ISM1: variants seen among roughly 807,000 people sequenced by gnomAD.
ISM1 encodes the protein isthmin 1.
Under a neutral mutation model 46.3 loss-of-function variants are expected in ISM1, and 25 were observed. That is an observed-to-expected ratio of 0.54 (90% CI 0.39 to 0.75). ISM1 has a LOEUF of 0.75. Ranked by LOEUF, ISM1 falls within the 30% of genes least tolerant of loss-of-function variation. ISM1 has a pLI of 0.00. For missense variants in ISM1, 536 were observed against 625.4 expected (o/e 0.86, Z 1.52); for synonymous variants, 255 against 256.7 (o/e 0.99, Z 0.06).
At chr20:13,255,561 G>A (rs1200015905) in intron 1 of ISM1, among the ~76,000 whole-genome samples, 3 of 152,206 alleles carry the variant, frequency 2.0e-5, no homozygotes, top group African/African-American at 7.2e-5. Flanking sequence ...GGTTTTAAAG[G>A]ATGCATAGGA....
Position 13,279,764 on chromosome 20 carries a change from G to A in ISM1, c.509G>A (p.Arg170Lys). 5.6e-6 allele frequency: 9 copies of A among 1,614,024 alleles called. No individual in the cohort carries two copies. The highest frequency in any genetic ancestry group is 7.6e-6 in the Non-Finnish European group (9 of 1,179,902). The change falls in exon 3 of 6, where the codon AGG becomes AAG. Residue 170 changes from arginine (R) to lysine (K), a missense_variant. Arg to Lys is a conservative substitution (Grantham distance 26). Around this residue, in one of 2 missense-constraint regions of ISM1, gnomAD observed 367 missense variants for 376.1 expected, o/e 0.98. Coordinates refer to ENST00000262487, the MANE Select transcript of ISM1 (RefSeq NM_080826.2). The stretch of plus-strand genomic sequence containing the variant: ...TGGCAGAGGTCCCTGTCCTTGGCCA[G>A]GGCAAACAGCGGGGACCAGGACTAC... ...AWWQRSLSLA[R>K]ANSGDQDYKY...
At position 13,221,608 on chromosome 20, in the gene ISM1, C is replaced by A. The variant is rs1199957413; in HGVS notation, c.-169C>A. On this transcript the variant is annotated 5_prime_UTR_variant, in exon 1 of 6. Transcript: ENST00000262487. ...GCTCCTGCTCCCCCGGCCCCGCACA[C>A]CCCGCCGCGCCCAGCGCCAGCCCCG... Among the ~76,000 whole-genome samples, 1 of 146,966 alleles carries A rather than the reference C, an allele frequency of 6.8e-6. No individual in the cohort carries two copies. Among genetic ancestry groups the A allele is most frequent in the African/African-American group, 2.4e-5 (1 of 40,852 alleles).
intron 1 of ISM1, among the ~76,000 whole-genome samples, chr20:13,259,107 AC>A (rs1216774945): frequency 6.6e-6 from 1 of 151,776 alleles, no homozygotes; most frequent in Non-Finnish European, 1.5e-5. Context: ...ACATGGTGAA[AC>A]CCCGTCTCTA....
At chr20:13,321,243 G>A in the ISM1 span, among the ~76,000 whole-genome samples, 1 of 73,860 alleles carries the variant, frequency 1.4e-5, no homozygotes, top group African/African-American at 6.8e-5. Flanking sequence ...GAATAGTCAT[G>A]TGCCCCACAT....
At chr20:13,303,105 C>T (rs1480230976), downstream of ISM1, among the ~76,000 whole-genome samples, 1 of 152,156 alleles carries the variant, frequency 6.6e-6, no homozygotes, top group Middle Eastern at 3.2e-3. Flanking sequence ...GGAAAAGAAG[C>T]CCAACAAGGT....
chr20:13,324,822 G>A, the ISM1 span, among the ~76,000 whole-genome samples: 2 of 152,292 alleles, frequency 1.3e-5, no homozygotes, highest in African/African-American at 2.4e-5. Flanking sequence ...CTGGAAGCAC[G>A]CTTAGAAATA....
chr20:13,241,943 G>A (rs1373030909), intron 1 of ISM1, among the ~76,000 whole-genome samples: 1 of 152,062 alleles, frequency 6.6e-6, no homozygotes, highest in Non-Finnish European at 1.5e-5. Context: ...GCAGAGTTGA[G>A]GGCCGTTGCA....
At chr20:13,225,893 G>T (rs1034087452) in intron 1 of ISM1, among the ~76,000 whole-genome samples, 4 of 152,076 alleles carry the variant, frequency 2.6e-5, no homozygotes, top group African/African-American at 9.7e-5. Flanking sequence ...TATAGATATA[G>T]ATATATAATA....
At chr20:13,248,794 G>T (rs532332224) in intron 1 of ISM1, among the ~76,000 whole-genome samples, 2 of 152,342 alleles carry the variant, frequency 1.3e-5, no homozygotes, top group East Asian at 3.9e-4. Flanking sequence ...CCTGCCATTT[G>T]GGGGTGAGCG....
intron 1 of ISM1, among the ~76,000 whole-genome samples, chr20:13,266,260 A>G (rs2040041911): frequency 6.6e-6 from 1 of 152,248 alleles, no homozygotes; most frequent in Non-Finnish European, 1.5e-5. Flanking sequence ...CAGTACTGCC[A>G]TGTAAGGCAA....
chr20:13,263,686 G>A (rs1310256637), intron 1 of ISM1, among the ~76,000 whole-genome samples: 1 of 152,214 alleles, frequency 6.6e-6, no homozygotes, highest in East Asian at 1.9e-4. Context: ...GAAGAAAATG[G>A]AGTGTTTGAA....
chr20:13,304,784 G>T (rs1010504983), downstream of ISM1, among the ~76,000 whole-genome samples: 35 of 152,104 alleles, frequency 2.3e-4, no homozygotes, highest in Admixed American at 2.2e-3. Context: ...ACCAGTCCAC[G>T]AGCTCCCAGT....
chr20:13,303,757 C>A (rs879885034), downstream of ISM1, among the ~76,000 whole-genome samples: 4 of 152,150 alleles, frequency 2.6e-5, no homozygotes, highest in Admixed American at 2.0e-4. Flanking sequence ...AGGGATACAG[C>A]GGTGTACAAA....
intron 1 of ISM1, among the ~76,000 whole-genome samples, chr20:13,237,515 A>G (rs2039665507): frequency 6.6e-6 from 1 of 152,178 alleles, no homozygotes; most frequent in African/African-American, 2.4e-5. Flanking sequence ...AACCAGGAAA[A>G]AGGAACCTGT....
intron 1 of ISM1, among the ~76,000 whole-genome samples, chr20:13,233,801 A>C (rs1166189191): frequency 6.6e-6 from 1 of 152,158 alleles, no homozygotes; most frequent in Non-Finnish European, 1.5e-5. Context: ...AATGTTCACT[A>C]GGTGCATTCA....
intron 1 of ISM1, among the ~76,000 whole-genome samples, chr20:13,222,265 C>T (rs1179868034): frequency 6.6e-6 from 1 of 152,092 alleles, no homozygotes; most frequent in Non-Finnish European, 1.5e-5. Flanking sequence ...TTTCGTTGCC[C>T]TTCGGAGGCT....
At chr20:13,232,456 GT>G in intron 1 of ISM1, among the ~76,000 whole-genome samples, 1 of 152,194 alleles carries the variant, frequency 6.6e-6, no homozygotes, top group East Asian at 1.9e-4. Context: ...CATTCATGTT[GT>G]TCTGTGCATA....
chr20:13,229,063 T>G (rs192280438), intron 1 of ISM1, among the ~76,000 whole-genome samples: 11 of 152,100 alleles, frequency 7.2e-5, no homozygotes, highest in African/African-American at 2.4e-4. Flanking sequence ...CTCCCCTTCT[T>G]TTTCTTTCCC....
At chr20:13,258,357 G>T (rs183323468) in intron 1 of ISM1, among the ~76,000 whole-genome samples, 5 of 152,074 alleles carry the variant, frequency 3.3e-5, no homozygotes, top group Admixed American at 3.3e-4. Context: ...GCATCTTCAG[G>T]CCTGGAGATG....
Sources: gnomAD v4.1 joint callset for allele counts (sites outside exome capture counted in the v4.1 genomes callset) on GRCh38, gnomAD v4.1.1 for gene constraint, gnomAD v4.1.1 regional missense constraint, MANE v1.5 for transcripts, NCBI Gene and HGNC (gene_info 2026-07-23, HGNC 2026-07-21) for gene names.